The following MAMDC4 variants were observed in gnomAD, a reference collection of about 807,000 sequenced individuals.
MAMDC4 encodes MAM domain containing 4, also known as apical endosomal glycoprotein.
In MAMDC4, 168 loss-of-function variants were observed where a neutral mutation model predicts 153.3. The ratio of observed to expected loss-of-function variants is 1.10; its 90% CI spans 0.97 to 1.25. The LOEUF (loss-of-function observed/expected upper bound fraction) is 1.25, where lower values mean the gene tolerates loss of function less well. Ranked by LOEUF, MAMDC4 falls within the 50% of genes most tolerant of loss-of-function variation. The probability of loss-of-function intolerance (pLI) is 0.00; values close to 1 mark genes in which losing one functional copy is unlikely to be tolerated. For missense variants in MAMDC4, 1,701 were observed against 1,542.8 expected (o/e 1.10, Z -1.72); for synonymous variants, 744 against 651.5 (o/e 1.14, Z -2.16).
Position 136,857,246 on chromosome 9 carries a change from A to C in MAMDC4, c.2054A>C (p.His685Pro), listed in dbSNP as rs753232068. Residue 685 changes from histidine to proline, a missense_variant, in exon 17 of 27, where the codon CAC (histidine) becomes CCC (proline). Transcript: ENST00000317446. ...TCAGGCACCCAGGGCAACCGCTGGC[A>C]CGAGGCCTGGGCCACCCTTTCCCAC... ...SRSGTQGNRW[H>P]EAWATLSHQP... The C allele has an allele frequency of 6.2e-7, 1 of 1,606,324 alleles. No homozygotes were observed. Among genetic ancestry groups the C allele is most frequent in the Non-Finnish European group, 8.5e-7 (1 of 1,177,058 alleles).
At position 136,854,018 on chromosome 9, in the gene MAMDC4, C is replaced by T. The variant is rs141315514; in HGVS notation, c.612C>T (p.Ala204=). The T allele has an allele frequency of 1.7e-5, 28 of 1,612,860 alleles. 1 individual carries two copies. The highest frequency in any genetic ancestry group is 4.0e-5 in the African/African-American group (3 of 74,892). ...TGACCTTCTCTGCCACCCGAAATGC[C>T]ACCCACAGGGGCGCTGTGGCTCTAG... ...FRVTFSATRN[A]THRGAVALDD... is the part of the protein sequence containing the mutation. Residue 204 remains alanine (A), a synonymous_variant, in exon 6 of 27, where the codon GCC becomes GCT. Transcript: ENST00000317446.
At chr9:136,853,062 A>C (rs1588390541) in intron 1 of MAMDC4, 40 bp from the exon 2 acceptor site, 1 of 1,574,690 alleles carries the variant, frequency 6.4e-7, no homozygotes, top group African/African-American at 1.3e-5. Context: ...ATGGCTGGTC[A>C]CCCTGCCCCC....
rs780680389 is a variant in MAMDC4, at chr9:136,858,253, A to G, written c.2651A>G (p.Gln884Arg). 3.1e-6 allele frequency: 5 copies of G among 1,601,804 alleles called. No homozygotes were observed. Among genetic ancestry groups the G allele is most frequent in the Non-Finnish European group, 3.4e-6 (4 of 1,178,842 alleles). The change falls in exon 21 of 27, where the codon CAG becomes CGG. Residue 884 changes from glutamine (Q) to arginine (R), a missense_variant. Transcript: ENST00000317446. ...GTGGCTCTGGATGATCTGCTCCTCCAGGACGGGCCCTGCCCTCAGCCAGGT... is the reference window on the plus strand; with the variant it reads ...GTGGCTCTGGATGATCTGCTCCTCCGGGACGGGCCCTGCCCTCAGCCAGGT... Reference protein sequence around the residue: ...SYVALDDLLLQDGPCPQPGSC... With the variant: ...SYVALDDLLLRDGPCPQPGSC...
At chr9:136,858,594 C>T (rs1849042544) in intron 22 of MAMDC4, 48 bp downstream of exon 22, 2 of 1,569,876 alleles carry the variant, frequency 1.3e-6, no homozygotes, top group Non-Finnish European at 1.7e-6. Flanking sequence ...AGCCACCTGG[C>T]CTCCTGCTGC....
At chr9:136,859,516 G>C (rs1286584548) in intron 25 of MAMDC4, 199 bp downstream of exon 25, 3 of 622,020 alleles carry the variant, frequency 4.8e-6, no homozygotes, top group Non-Finnish European at 8.3e-6. Context: ...CCTGGGCTGG[G>C]CTGTCCCTGG....
chr9:136,858,005 C>T lies in MAMDC4; in HGVS notation c.2491C>T (p.Arg831Cys), dbSNP rs902461358. The T allele has an allele frequency of 1.6e-5, 25 of 1,523,542 alleles. No homozygotes were observed. The highest frequency in any genetic ancestry group is 2.8e-5 in the African/African-American group (2 of 72,464). The allele number at this position is 1,523,542 out of a possible 1,614,324, so 94.4% of individuals were successfully genotyped here. The change falls in exon 20 of 27, where the codon CGC (arginine) becomes TGC (cysteine). Residue 831 changes from arginine (R) to cysteine (C), a missense_variant. Transcript: ENST00000317446. ...PGTLRVYLEERGRHQVLSLSA... is the reference protein window; with the variant it reads ...PGTLRVYLEECGRHQVLSLSA... ...CACCCTGCGGGTCTACCTGGAGGAG[C>T]GCGGGAGGCACCAGGTGCTCAGCCT...
rs2131230853 is a variant in MAMDC4, at chr9:136,852,479, C to T, written c.46+17C>T. On this transcript the variant is annotated intron_variant, in intron 1 of 26. Coordinates refer to ENST00000317446, the MANE Select transcript of MAMDC4 (RefSeq NM_206920.3). ...TGTTCCTGGGTAAGTAGTCTGGTCC[C>T]ACTCCTGAGGCAGGACCAGGGGCCC... is the stretch of plus-strand genomic sequence containing the variant. 2 of 1,608,502 alleles carry T rather than the reference C, an allele frequency of 1.2e-6. No individual in the cohort carries two copies. Among genetic ancestry groups the T allele is most frequent in the South Asian group, 1.1e-5 (1 of 91,084 alleles).
chr9:136,858,295 C>T lies in MAMDC4; in HGVS notation c.2674+19C>T. On this transcript the variant is annotated intron_variant, in intron 21 of 26. Transcript: ENST00000317446. ...CAGCCAGGTGGGAGCCCTGCCGTGG[C>T]CTCGGCCCTGCTCTGGGGTGCCTGC... 1 of 1,601,064 alleles carries T rather than the reference C, an allele frequency of 6.2e-7. No individual in the cohort carries two copies. Among genetic ancestry groups the T allele is most frequent in the South Asian group, 1.1e-5 (1 of 90,974 alleles).
In MAMDC4 at chr9:136,852,473, T is replaced by G. The variant is rs1179733212; in HGVS notation, c.46+11T>G. On this transcript the variant is annotated intron_variant, in intron 1 of 26. Transcript: ENST00000317446. ...TGGTCCTGTTCCTGGGTAAGTAGTC[T>G]GGTCCCACTCCTGAGGCAGGACCAG... 6.2e-7 allele frequency: 1 copy of G among 1,609,126 alleles called. No homozygotes were observed. The highest frequency in any genetic ancestry group is 1.3e-5 in the African/African-American group (1 of 74,930).
Position 136,852,426 on chromosome 9 carries a change from T to A in MAMDC4, c.10T>A (p.Ser4Thr). The A allele has an allele frequency of 6.2e-7, 1 of 1,610,244 alleles. No individual in the cohort carries two copies. The highest frequency in any genetic ancestry group is 8.5e-7 in the Non-Finnish European group (1 of 1,179,936). MPL[S>T]SHLLPALVLF... ...TCCCTCTGGCCCAACCATGCCTCTG[T>A]CCAGCCACCTGCTGCCCGCCTTGGT... The change falls in exon 1 of 27, where the codon TCC (serine) becomes ACC (threonine). Residue 4 changes from serine (S) to threonine (T), a missense_variant. Ser to Thr is a moderately conservative substitution (Grantham distance 58, BLOSUM62 1). Coordinates refer to ENST00000317446, the MANE Select transcript of MAMDC4 (RefSeq NM_206920.3).
At chr9:136,860,251 G>A (rs1019537642) in intron 26 of MAMDC4, among the ~76,000 whole-genome samples, 187 bp downstream of exon 26, 6 of 152,186 alleles carry the variant, frequency 3.9e-5, no homozygotes, top group Non-Finnish European at 7.4e-5. Flanking sequence ...CGGGCGCGGT[G>A]GCTCACACCT....
Position 136,855,551 on chromosome 9 carries a change from G to A in MAMDC4, c.1403G>A (p.Cys468Tyr), listed in dbSNP as rs755052020. The stretch of plus-strand genomic sequence containing the variant: ...GGGCATCTTGCCTGCGGGGACCTGT[G>A]TGTGCCCCCGGAACAACTGTGTGAC... ...KQGHLACGDL[C>Y]VPPEQLCDFE... is the part of the protein sequence containing the mutation. The change falls in exon 12 of 27, where the codon TGT (cysteine) becomes TAT (tyrosine). Residue 468 changes from cysteine to tyrosine, a missense_variant. Cys to Tyr is a radical substitution (Grantham distance 194). Transcript: ENST00000317446. 1.5e-5 allele frequency: 24 copies of A among 1,591,482 alleles called. No individual in the cohort carries two copies. The South Asian group carries it at 2.2e-4, about 14-fold the overall frequency.
At position 136,853,394 on chromosome 9, in the gene MAMDC4, CAG is replaced by C. The variant is rs758976281; in HGVS notation, c.265_266del (p.Arg89GlyfsTer66). On this transcript the variant is annotated frameshift_variant, in exon 3 of 27. Transcript: ENST00000317446. LOFTEE classifies it high-confidence loss of function. Reference protein sequence around the residue: ...STSGYSWLRDRAGAALEGPGP... With the variant: ...STSGYSWLRDXAGAALEGPGP... Reference sequence around the variant, plus strand: ...CCTCAGGCTACAGCTGGCTCCGAGACAGGGCAGGGGCCGCACTGGAGGGTCCT... The same window carrying C: ...CCTCAGGCTACAGCTGGCTCCGAGACGGCAGGGGCCGCACTGGAGGGTCCT... The C allele has an allele frequency of 6.2e-7, 1 of 1,605,664 alleles. No individual in the cohort carries two copies. The highest frequency in any genetic ancestry group is 1.1e-5 in the South Asian group (1 of 90,716).
At chr9:136,853,018 A>G in intron 1 of MAMDC4, 84 bp from the exon 2 acceptor site, 1 of 1,146,902 alleles carries the variant, frequency 8.7e-7, no homozygotes, top group African/African-American at 1.5e-5. Flanking sequence ...AAAGATGTCC[A>G]GTGCTAAAAC....
At position 136,855,627 on chromosome 9, in the gene MAMDC4, G is replaced by T. The variant is rs1161563025; in HGVS notation, c.1471+8G>T. Reference sequence around the variant, plus strand: ...AGGACGAGCAGGCCTGTGGTAAAGGGGCTCAACCTCCTGCAGACCTCCTGC... The same window carrying T: ...AGGACGAGCAGGCCTGTGGTAAAGGTGCTCAACCTCCTGCAGACCTCCTGC... On this transcript the variant is annotated splice_region_variant and intron_variant, in intron 12 of 26. Coordinates refer to ENST00000317446, the MANE Select transcript of MAMDC4 (RefSeq NM_206920.3). 2 of 1,572,044 alleles carry T rather than the reference G, an allele frequency of 1.3e-6. No homozygotes were observed. The highest frequency in any genetic ancestry group is 1.8e-5 in the Admixed American group (1 of 54,182).
chr9:136,860,611 C>A lies in MAMDC4; in HGVS notation c.*8C>A. 1 of 1,613,356 alleles carries A rather than the reference C, an allele frequency of 6.2e-7. No homozygotes were observed. ...GTCACCAGTGATCCGTAGACCACCC[C>A]AGACAAGGCCCCGCTTCCTCACGTG... On this transcript the variant is annotated 3_prime_UTR_variant, in exon 27 of 27. Coordinates refer to ENST00000317446, the MANE Select transcript of MAMDC4 (RefSeq NM_206920.3).
chr9:136,853,838 C>G lies in MAMDC4; in HGVS notation c.516C>G (p.Ser172Arg). Residue 172 changes from serine to arginine, a missense_variant, in exon 5 of 27, where the codon AGC becomes AGG. Physicochemically the swap from Ser to Arg is moderately radical, Grantham distance 110 (BLOSUM62 -1). Coordinates refer to ENST00000317446, the MANE Select transcript of MAMDC4 (RefSeq NM_206920.3). ...HGAETLTLWQ[S>R]TGPWGPGWQE... ...CAGAGACCCTGACCCTGTGGCAGAG[C>G]ACAGGGCCCTGGGGCCCTGGCTGGC... 6.4e-7 allele frequency: 1 copy of G among 1,560,950 alleles called. No individual in the cohort carries two copies. The highest frequency in any genetic ancestry group is 1.1e-5 in the South Asian group (1 of 90,552).
At chr9:136,859,488 T>C (rs1320319168) in intron 25 of MAMDC4, 171 bp downstream of exon 25, 3 of 676,798 alleles carry the variant, frequency 4.4e-6, no homozygotes, top group Non-Finnish European at 7.3e-6. Context: ...TCTGCCCTGC[T>C]CACCCCTGGG....
In MAMDC4 at chr9:136,854,828, C is replaced by T. The variant is rs139787225; in HGVS notation, c.1001C>T (p.Ala334Val). The change falls in exon 9 of 27, where the codon GCC (alanine) becomes GTC (valine). Residue 334 changes from alanine (A) to valine (V), a missense_variant. By Grantham distance (64) the Ala-to-Val change is moderately conservative. Coordinates refer to ENST00000317446, the MANE Select transcript of MAMDC4 (RefSeq NM_206920.3). ...PAILSSPEFQ[A>V]SGTSNCSLVF... ...ATACTCTCCAGCCCCGAATTCCAAG[C>T]CTCAGGCACCTCCAACTGCTCGGTG... is the stretch of plus-strand genomic sequence containing the variant. 5 of 1,612,840 alleles carry T rather than the reference C, an allele frequency of 3.1e-6. No individual in the cohort carries two copies. The highest frequency in any genetic ancestry group is 1.1e-5 in the South Asian group (1 of 91,090).
Sources: gnomAD v4.1 joint callset for allele counts (sites outside exome capture counted in the v4.1 genomes callset) on GRCh38, gnomAD v4.1.1 for gene constraint, MANE v1.5 for transcripts, NCBI Gene and HGNC (gene_info 2026-07-23, HGNC 2026-07-21) for gene names.